Variants in ATP13A4 observed in about 807,000 individuals in gnomAD.
The protein encoded by ATP13A4 is ATPase 13A4.
In ATP13A4, 114 loss-of-function variants were observed where a neutral mutation model predicts 142.5. The ratio of observed to expected loss-of-function variants is 0.80; its 90% CI spans 0.69 to 0.93. The LOEUF (loss-of-function observed/expected upper bound fraction) is 0.93, where lower values mean the gene tolerates loss of function less well. Ranked by LOEUF, ATP13A4 falls within the 40% of genes least tolerant of loss-of-function variation. ATP13A4 has a pLI of 0.00. For synonymous variants in ATP13A4, 488 were observed against 514.8 expected (o/e 0.95, Z 0.70); for missense variants, 1,392 against 1,454.0 (o/e 0.96, Z 0.69).
intron 17 of ATP13A4, among the ~76,000 whole-genome samples, chr3:193,452,919 C>T (rs764665365): frequency 4.0e-5 from 6 of 151,842 alleles, no homozygotes; most frequent in Admixed American, 2.0e-4. Flanking sequence ...AATGTAACTA[C>T]CTGTACTATA....
At chr3:193,575,116 T>C (rs767424535) in intron 2 of ATP13A4, among the ~76,000 whole-genome samples, 7 of 152,220 alleles carry the variant, frequency 4.6e-5, no homozygotes, top group Non-Finnish European at 1.0e-4. Flanking sequence ...CATGTGGATA[T>C]ACCATTTGAA....
intron 2 of ATP13A4, among the ~76,000 whole-genome samples, chr3:193,513,638 G>T (rs550104364): frequency 6.6e-6 from 1 of 152,210 alleles, no homozygotes; most frequent in Non-Finnish European, 1.5e-5. Flanking sequence ...CACATTGTCC[G>T]AGTGCCATGA....
intron 2 of ATP13A4, among the ~76,000 whole-genome samples, chr3:193,571,278 C>CAAAAAAAAAAAAAAAAAAA (rs57432082): frequency 7.3e-5 from 7 of 95,688 alleles, no homozygotes; most frequent in African/African-American, 2.5e-4. Context: ...GACCTTGTCT[C>CAAAAAAAAAAAAAAAAAAA]AAAAAAAAAA....
intron 6 of ATP13A4, among the ~76,000 whole-genome samples, chr3:193,490,497 G>C (rs1719885976): frequency 6.6e-6 from 1 of 152,242 alleles, no homozygotes; most frequent in African/African-American, 2.4e-5. Flanking sequence ...GCTGAAAGCA[G>C]TAAGCTGTAA....
chr3:193,494,590 A>G (rs1429623994), intron 3 of ATP13A4, among the ~76,000 whole-genome samples: 1 of 152,036 alleles, frequency 6.6e-6, no homozygotes, highest in East Asian at 1.9e-4. Flanking sequence ...GAAAATGAAA[A>G]CACAGCTTAC....
At chr3:193,563,739 A>T (rs920256696) in intron 2 of ATP13A4, among the ~76,000 whole-genome samples, 2 of 152,224 alleles carry the variant, frequency 1.3e-5, no homozygotes, top group African/African-American at 4.8e-5. Flanking sequence ...CTTTAAGATT[A>T]TTTATAGACT....
chr3:193,419,125 T>C (rs1014589660), intron 25 of ATP13A4: 1 of 151,006 alleles, frequency 6.6e-6, no homozygotes, highest in Non-Finnish European at 1.5e-5. Context: ...AAGCTGTACG[T>C]TGCATCCCAG....
intron 2 of ATP13A4, among the ~76,000 whole-genome samples, chr3:193,565,857 C>T (rs188865477): frequency 3.3e-5 from 5 of 152,304 alleles, no homozygotes; most frequent in South Asian, 2.1e-4. Context: ...TGATGTTGAA[C>T]GCACCATTCC....
At chr3:193,492,241 G>C (rs1182796884) in intron 5 of ATP13A4, among the ~76,000 whole-genome samples, 1 of 152,162 alleles carries the variant, frequency 6.6e-6, no homozygotes, top group Admixed American at 6.6e-5. Context: ...ACTAGAAATG[G>C]GGAAGGGGGA....
intron 1 of ATP13A4, among the ~76,000 whole-genome samples, chr3:193,525,938 C>A (rs915838250): frequency 6.6e-6 from 1 of 152,180 alleles, no homozygotes; most frequent in Non-Finnish European, 1.5e-5. Context: ...GCATGTTATA[C>A]AGCAATGGTT....
intron 8 of ATP13A4, among the ~76,000 whole-genome samples, chr3:193,479,173 G>A (rs1040703664): frequency 6.6e-6 from 1 of 152,078 alleles, no homozygotes; most frequent in African/African-American, 2.4e-5. Context: ...ACTGAATGGG[G>A]AAAAGTTGAA....
At chr3:193,422,596 T>C (rs1313176731) in intron 25 of ATP13A4, among the ~76,000 whole-genome samples, 1 of 149,594 alleles carries the variant, frequency 6.7e-6, no homozygotes, top group Non-Finnish European at 1.5e-5. Flanking sequence ...ACTATACAAA[T>C]ATATGGTAAT....
In ATP13A4 at chr3:193,564,985, G is replaced by A. The variant is rs536827083; in HGVS notation, n.291+16722C>T. On this transcript the variant is annotated intron_variant and non_coding_transcript_variant, in intron 2 of 3. Coordinates refer to the ATP13A4 transcript ENST00000489140. ...GCCTGATGAACTGTCACTGTTTCCC[G>A]TCACTCCCAGATGGCACTGTCTAGT... is the stretch of plus-strand genomic sequence containing the variant. Among the ~76,000 whole-genome samples the A allele has an allele frequency of 7.2e-5, 11 of 152,232 alleles. No individual in the cohort carries two copies. In the South Asian group the frequency reaches 2.3e-3, roughly 32 times the overall value.
chr3:193,501,017 G>C (rs1251218525), intron 3 of ATP13A4, among the ~76,000 whole-genome samples: 1 of 152,164 alleles, frequency 6.6e-6, no homozygotes, highest in Non-Finnish European at 1.5e-5. Flanking sequence ...CTATGCCGTA[G>C]CTGGTAAATG....
chr3:193,450,865 G>A (rs1717234854), intron 17 of ATP13A4, among the ~76,000 whole-genome samples: 2 of 152,122 alleles, frequency 1.3e-5, no homozygotes, highest in Non-Finnish European at 2.9e-5. Context: ...GGTGGATGAA[G>A]GTTGCTGGGT....
In ATP13A4 at chr3:193,412,158, T is replaced by G. The variant is rs560014629; in HGVS notation, c.3208+20A>C. 4 of 1,575,688 alleles carry G rather than the reference T, an allele frequency of 2.5e-6. No individual in the cohort carries two copies. The Admixed American group carries it at 6.7e-5, about 26-fold the overall frequency. On this transcript the variant is annotated intron_variant, in intron 27 of 29. Coordinates refer to ENST00000342695, the MANE Select transcript of ATP13A4 (RefSeq NM_032279.4). The stretch of plus-strand genomic sequence containing the variant: ...CTCTCTGATGACTTCTCACCTCTGA[T>G]GCAGTACAGTTCTACTCACAGTTTG...
At chr3:193,465,394 G>C (rs1453153629) in intron 11 of ATP13A4, among the ~76,000 whole-genome samples, 1 of 152,138 alleles carries the variant, frequency 6.6e-6, no homozygotes. Context: ...TGCCATGTTG[G>C]CCAGGCTGGT....
At chr3:193,475,409 G>A (rs779646841) in intron 8 of ATP13A4, among the ~76,000 whole-genome samples, 22 of 151,896 alleles carry the variant, frequency 1.4e-4, no homozygotes, top group Non-Finnish European at 8.8e-5. Context: ...AGTTAAATAC[G>A]TTTGATATAC....
At chr3:193,428,476 A>G (rs1715794755) in intron 25 of ATP13A4, among the ~76,000 whole-genome samples, 1 of 152,192 alleles carries the variant, frequency 6.6e-6, no homozygotes, top group South Asian at 2.1e-4. Flanking sequence ...ATGCTGCTAC[A>G]AAGACACATG....
Sources: gnomAD v4.1 joint callset for allele counts (sites outside exome capture counted in the v4.1 genomes callset) on GRCh38, gnomAD v4.1.1 for gene constraint, MANE v1.5 for transcripts, NCBI Gene and HGNC (gene_info 2026-07-23, HGNC 2026-07-21) for gene names.